The following SCEL variants were observed in gnomAD, a reference collection of about 807,000 sequenced individuals.
SCEL encodes the protein sciellin.
A neutral mutation model predicts 117.6 loss-of-function variants in SCEL; 113 were observed. The ratio of observed to expected loss-of-function variants is 0.96; its 90% CI spans 0.83 to 1.12. The LOEUF (loss-of-function observed/expected upper bound fraction) is 1.12, where lower values mean the gene tolerates loss of function less well. Ranked by LOEUF, SCEL falls within the 50% of genes most tolerant of loss-of-function variation. The pLI is 0.00. For missense variants in SCEL, 785 were observed against 810.8 expected (o/e 0.97, Z 0.39); for synonymous variants, 270 against 256.2 (o/e 1.05, Z -0.51).
intron 30 of SCEL, among the ~76,000 whole-genome samples, chr13:77,640,119 A>G (rs2090490961): frequency 1.3e-5 from 2 of 152,066 alleles, no homozygotes; most frequent in African/African-American, 2.4e-5. Context: ...AGGTATCCTT[A>G]TATCCTGAGT....
chr13:77,598,579 C>G (rs2087413028), intron 13 of SCEL, among the ~76,000 whole-genome samples: 1 of 152,222 alleles, frequency 6.6e-6, no homozygotes, highest in South Asian at 2.1e-4. Flanking sequence ...TCTGAGCACA[C>G]AGCTGCTTCT....
At chr13:77,540,030 A>T (rs1418808164) in intron 1 of SCEL, among the ~76,000 whole-genome samples, 3 of 152,348 alleles carry the variant, frequency 2.0e-5, no homozygotes. Context: ...AGGAAAACGG[A>T]TAGCCACAAA....
chr13:77,603,651 C>T (rs2154401869), intron 18 of SCEL, among the ~76,000 whole-genome samples: 1 of 152,272 alleles, frequency 6.6e-6, no homozygotes, highest in Non-Finnish European at 1.5e-5. Flanking sequence ...GTCTTCCCCT[C>T]CTGTCCCTTT....
chr13:77,593,300 G>GTGTGTGTGTGCGTC (rs2087019686), intron 11 of SCEL, among the ~76,000 whole-genome samples: 1 of 145,148 alleles, frequency 6.9e-6, no homozygotes, highest in African/African-American at 2.6e-5. Flanking sequence ...GTGTGTGTCT[G>GTGTGTGTGTGCGTC]TGTGTGTGTG....
At chr13:77,542,477 T>C (rs2154393962) in intron 1 of SCEL, among the ~76,000 whole-genome samples, 1 of 152,296 alleles carries the variant, frequency 6.6e-6, no homozygotes, top group East Asian at 1.9e-4. Context: ...TGTGCTACAT[T>C]CTGGACTCTT....
At chr13:77,583,764 A>G (rs1351710365) in intron 9 of SCEL, among the ~76,000 whole-genome samples, 1 of 152,214 alleles carries the variant, frequency 6.6e-6, no homozygotes, top group Non-Finnish European at 1.5e-5. Flanking sequence ...TCTGTGTTCA[A>G]CCTAGATTTG....
chr13:77,557,941 GTTA>G (rs1311677728), intron 3 of SCEL, among the ~76,000 whole-genome samples: 4 of 152,128 alleles, frequency 2.6e-5, no homozygotes. Context: ...ATTAATTTCT[GTTA>G]TTGAGTATTA....
chr13:77,560,339 G>A (rs2084911389), intron 4 of SCEL, among the ~76,000 whole-genome samples: 1 of 151,988 alleles, frequency 6.6e-6, no homozygotes, highest in Admixed American at 6.6e-5. Context: ...TCCAGGGGCT[G>A]AGGTGGAAGA....
intron 4 of SCEL, among the ~76,000 whole-genome samples, chr13:77,563,467 C>G (rs766871771): frequency 6.6e-6 from 1 of 152,122 alleles, no homozygotes; most frequent in African/African-American, 2.4e-5. Flanking sequence ...GATTGAGTTC[C>G]TATTATGTAG....
chr13:77,636,416 C>A (rs1287657741), intron 29 of SCEL, among the ~76,000 whole-genome samples: 2 of 152,138 alleles, frequency 1.3e-5, no homozygotes, highest in Non-Finnish European at 2.9e-5. Flanking sequence ...TTAAAAATCC[C>A]AAGTGAGAGC....
Position 77,541,853 on chromosome 13 carries a change from G to T in SCEL, c.-20+6029G>T, listed in dbSNP as rs950708478. Among the ~76,000 whole-genome samples, 3 of 152,296 alleles carry T rather than the reference G, an allele frequency of 2.0e-5. No homozygotes were observed. The East Asian group carries it at 5.8e-4, about 29-fold the overall frequency. On this transcript the variant is annotated intron_variant, in intron 1 of 32. Transcript: ENST00000349847. ...AACAGCTACATGACAGAGCTTTTGTGAATATGAAATACAGTAAAGTATTTA... is the reference window on the plus strand; with the variant it reads ...AACAGCTACATGACAGAGCTTTTGTTAATATGAAATACAGTAAAGTATTTA...
intron 8 of SCEL, among the ~76,000 whole-genome samples, chr13:77,570,664 C>T (rs1049756001): frequency 1.3e-5 from 2 of 152,182 alleles, no homozygotes; most frequent in Admixed American, 1.3e-4. Context: ...TCATTCTCAT[C>T]TGAATATCTT....
intron 8 of SCEL, 53 bp from the exon 9 acceptor site, chr13:77,572,071 G>GGTGGGATCAGACAT: frequency 7.0e-7 from 1 of 1,422,326 alleles, no homozygotes; most frequent in Non-Finnish European, 9.9e-7. Context: ...CAGACATGTG[G>GGTGGGATCAGACAT]GTGGGATCAG....
chr13:77,632,028 G>A (rs751856916), intron 28 of SCEL, among the ~76,000 whole-genome samples: 4 of 152,212 alleles, frequency 2.6e-5, no homozygotes, highest in Admixed American at 2.6e-4. Flanking sequence ...CAGAAGGTAA[G>A]ATATCTCTGG....
intron 9 of SCEL, among the ~76,000 whole-genome samples, chr13:77,577,396 G>A (rs1225528321): frequency 6.6e-6 from 1 of 152,066 alleles, no homozygotes; most frequent in Non-Finnish European, 1.5e-5. Context: ...GAAGGCAAGC[G>A]GGGGAGGATG....
At chr13:77,627,244 C>T (rs1204982654) in intron 27 of SCEL, among the ~76,000 whole-genome samples, 1 of 152,090 alleles carries the variant, frequency 6.6e-6, no homozygotes. Flanking sequence ...AATTAATTGG[C>T]CTTGGAAAAT....
intron 9 of SCEL, among the ~76,000 whole-genome samples, chr13:77,573,273 C>A (rs1035567704): frequency 2.3e-4 from 35 of 152,190 alleles, no homozygotes; most frequent in Middle Eastern, 3.2e-3. Flanking sequence ...TAATCGATAT[C>A]ATCACTAACT....
intron 1 of SCEL, among the ~76,000 whole-genome samples, chr13:77,545,048 G>A (rs2083915698): frequency 6.6e-6 from 1 of 152,160 alleles, no homozygotes; most frequent in East Asian, 1.9e-4. Flanking sequence ...TGCATTCAGT[G>A]CTTCATAGGT....
At chr13:77,539,910 A>T (rs1023378117) in intron 1 of SCEL, among the ~76,000 whole-genome samples, 1 of 152,160 alleles carries the variant, frequency 6.6e-6, no homozygotes, top group Non-Finnish European at 1.5e-5. Context: ...TCTAAAAAGG[A>T]AGTTAATGAA....
Sources: gnomAD v4.1 joint callset for allele counts (sites outside exome capture counted in the v4.1 genomes callset) on GRCh38, gnomAD v4.1.1 for gene constraint, MANE v1.5 for transcripts, NCBI Gene and HGNC (gene_info 2026-07-23, HGNC 2026-07-21) for gene names.